The following HSD17B10 variants were observed in gnomAD, a reference collection of about 807,000 sequenced individuals.
The protein encoded by HSD17B10 is 3-hydroxyacyl-CoA dehydrogenase type-2.
For missense variants in HSD17B10, 87 were observed against 219.4 expected (o/e 0.40, Z 3.81); for synonymous variants, 90 against 85.9 (o/e 1.05, Z -0.26).
At chrX:53,432,669 G>A in intron 2 of HSD17B10, 1 of 370,414 alleles carries the variant, frequency 2.7e-6, no homozygotes, top group Non-Finnish European at 4.8e-6. Flanking sequence ...GGCCAACGTG[G>A]TGAAAACCCG....
Position 53,432,087 on chromosome X carries a change from G to T in HSD17B10, c.387C>A (p.Ile129=). Residue 129 remains isoleucine (I), a synonymous_variant, in exon 4 of 6, where the codon ATC becomes ATA. Coordinates refer to ENST00000168216, the MANE Select transcript of HSD17B10 (RefSeq NM_004493.3). ...DVNLMGTFNV[I]RLVAGEMGQN... ...GGCCCATCTCACCAGCCACCAGGCG[G>T]ATCACATTGAAGGTGCCCATGAGAT... The T allele has an allele frequency of 8.3e-7, 1 of 1,211,516 alleles. No individual in the cohort carries two copies. Among genetic ancestry groups the T allele is most frequent in the Non-Finnish European group, 1.1e-6 (1 of 895,347 alleles).
In HSD17B10 at chrX:53,434,367, G is replaced by A. The variant is rs1261594952; in HGVS notation, c.-22C>T. ...CCATCTTGTCGCCGGCCACTCCACGGGATGGGGATGGGGGCGCGGGCGCTC... is the reference window on the plus strand; with the variant it reads ...CCATCTTGTCGCCGGCCACTCCACGAGATGGGGATGGGGGCGCGGGCGCTC... On this transcript the variant is annotated 5_prime_UTR_variant, in exon 1 of 6. Coordinates refer to ENST00000168216, the MANE Select transcript of HSD17B10 (RefSeq NM_004493.3). 3 of 1,166,936 alleles carry A rather than the reference G, an allele frequency of 2.6e-6. No individual in the cohort carries two copies. The Admixed American group carries it at 7.7e-5, about 30-fold the overall frequency.
At chrX:53,434,166 G>A (rs1556895005) in intron 1 of HSD17B10, 153 bp downstream of exon 1, 1 of 625,258 alleles carries the variant, frequency 1.6e-6, no homozygotes, top group African/African-American at 2.2e-5. Flanking sequence ...GCCGCGGAGT[G>A]CTGACTTTCA....
chrX:53,432,617 A>T, intron 2 of HSD17B10: 1 of 446,137 alleles, frequency 2.2e-6, no homozygotes, highest in Non-Finnish European at 4.0e-6. Flanking sequence ...TGGGAGGCCG[A>T]GGCTGGTGGA....
intron 1 of HSD17B10, 173 bp from the exon 2 acceptor site, chrX:53,434,059 A>G: frequency 1.7e-6 from 1 of 593,012 alleles, no homozygotes; most frequent in Non-Finnish European, 2.7e-6. Context: ...CCTCGGGGGC[A>G]GAAGGGATCT....
rs372768875 is a variant in HSD17B10 at position 53,434,300 on chromosome X, G to C, written c.27+19C>G. ...GGCCCGTAAAGGAAGGCAAGCAACA[G>C]AGGCAAAGAACCTTCTACCTTCACG... On this transcript the variant is annotated intron_variant, in intron 1 of 5. Transcript: ENST00000168216. 7 of 1,166,998 alleles carry C rather than the reference G, an allele frequency of 6.0e-6. No homozygotes were observed. The highest frequency in any genetic ancestry group is 1.8e-5 in the African/African-American group (1 of 56,414).
chrX:53,432,768 A>G (rs1185287796), intron 2 of HSD17B10: 1 of 260,829 alleles, frequency 3.8e-6, no homozygotes, highest in African/African-American at 2.8e-5. Context: ...GAATCGCTTG[A>G]ACCCGGGAGG....
chrX:53,432,813 A>T lies in HSD17B10; in HGVS notation c.193-402T>A, dbSNP rs138479036. 2,161 of 230,393 alleles carry T rather than the reference A, an allele frequency of 9.4e-3. 13 individuals are homozygous for T. Among genetic ancestry groups the T allele is most frequent in the Non-Finnish European group, 0.014 (1,745 of 124,438 alleles). The allele number at this position is 230,393 out of a possible 1,213,427, so 19.0% of individuals were successfully genotyped here. ...CAGTGAGCTGAGATCGTGCCATTGC[A>T]CTGCAGCCTGGGCAACAGTGAGACT... is the stretch of plus-strand genomic sequence containing the variant. On this transcript the variant is annotated intron_variant, in intron 2 of 5. Coordinates refer to ENST00000168216, the MANE Select transcript of HSD17B10 (RefSeq NM_004493.3).
At chrX:53,432,207 T>A in intron 3 of HSD17B10, 40 bp downstream of exon 3, 3 of 1,207,607 alleles carry the variant, frequency 2.5e-6, no homozygotes, top group Non-Finnish European at 3.4e-6. Flanking sequence ...GCCAGATACT[T>A]CTTACTACCA....
At chrX:53,433,370 C>T (rs1330279429) in intron 2 of HSD17B10, among the ~76,000 whole-genome samples, 1 of 112,861 alleles carries the variant, frequency 8.9e-6, no homozygotes, top group Non-Finnish European at 1.9e-5. Flanking sequence ...GTATCCTTAC[C>T]TGCTAAGATG....
chrX:53,432,705 C>T (rs2075830175), intron 2 of HSD17B10: 4 of 309,548 alleles, frequency 1.3e-5, no homozygotes, highest in South Asian at 7.2e-5. Flanking sequence ...CAAAATTAGC[C>T]GGCATAGTGA....
chrX:53,432,861 G>C (rs2075831200), intron 2 of HSD17B10: 1 of 203,908 alleles, frequency 4.9e-6, no homozygotes, highest in African/African-American at 3.0e-5. Flanking sequence ...AAAAAATTGA[G>C]AGAGTAGGTC....
Position 53,434,342 on chromosome X carries a change from C to T in HSD17B10, c.4G>A (p.Ala2Thr). Residue 2 changes from alanine to threonine, a missense_variant, in exon 1 of 6, where the codon GCA (alanine) becomes ACA (threonine). Physicochemically the swap from Ala to Thr is moderately conservative, Grantham distance 58. Coordinates refer to ENST00000168216, the MANE Select transcript of HSD17B10 (RefSeq NM_004493.3). The stretch of plus-strand genomic sequence containing the variant: ...ACCTTCACGCTCCGACACGCTGCTG[C>T]CATCTTGTCGCCGGCCACTCCACGG... M[A>T]AACRSVKGLV... 8.6e-7 allele frequency: 1 copy of T among 1,168,628 alleles called. No individual in the cohort carries two copies. The highest frequency in any genetic ancestry group is 1.1e-6 in the Non-Finnish European group (1 of 873,306).
At chrX:53,433,697 G>A in intron 2 of HSD17B10, 25 bp downstream of exon 2, 1 of 1,192,149 alleles carries the variant, frequency 8.4e-7, no homozygotes, top group Non-Finnish European at 1.1e-6. Flanking sequence ...GCACACCCTG[G>A]GAGAGGAGAG....
intron 4 of HSD17B10, 29 bp from the exon 5 acceptor site, chrX:53,431,935 G>C (rs377646597): frequency 1.7e-6 from 2 of 1,208,020 alleles, no homozygotes; most frequent in Non-Finnish European, 2.2e-6. Context: ...TCATAGGTGG[G>C]AGGGCCCCAA....
At chrX:53,433,983 G>A in intron 1 of HSD17B10, 97 bp from the exon 2 acceptor site, 2 of 968,296 alleles carry the variant, frequency 2.1e-6, no homozygotes, top group Admixed American at 2.5e-5. Flanking sequence ...GGAGAAGGGG[G>A]GAGGGGAGAG....
chrX:53,432,255 C>T lies in HSD17B10; in HGVS notation c.349G>A (p.Val117Ile). 2 of 1,209,982 alleles carry T rather than the reference C, an allele frequency of 1.7e-6. No individual in the cohort carries two copies. Among genetic ancestry groups the T allele is most frequent in the East Asian group, 3.0e-5 (1 of 33,817 alleles). ...AACTTCCAAGGCCTTACATCAAGAACTCGCTGGAAGTCTTCCAAGGTATGG... is the reference window on the plus strand; with the variant it reads ...AACTTCCAAGGCCTTACATCAAGAATTCGCTGGAAGTCTTCCAAGGTATGG... ...QTHTLEDFQRVLDVNLMGTFN... is the reference protein window; with the variant it reads ...QTHTLEDFQRILDVNLMGTFN... The change falls in exon 3 of 6, where the codon GTT (valine) becomes ATT (isoleucine). Residue 117 changes from valine (V) to isoleucine (I), a missense_variant. By Grantham distance (29) the Val-to-Ile change is conservative. Coordinates refer to ENST00000168216, the MANE Select transcript of HSD17B10 (RefSeq NM_004493.3).
At chrX:53,434,080 C>A in intron 1 of HSD17B10, 194 bp from the exon 2 acceptor site, 2 of 562,056 alleles carry the variant, frequency 3.6e-6, no homozygotes, top group Non-Finnish European at 6.0e-6. Context: ...CATCCCCAGA[C>A]AGCCCGTCCC....
chrX:53,433,836 C>T lies in HSD17B10; in HGVS notation c.78G>A (p.Thr26=), dbSNP rs2075834642. 8.3e-7 allele frequency: 1 copy of T among 1,211,416 alleles called. No individual in the cohort carries two copies. The highest frequency in any genetic ancestry group is 2.2e-5 in the Admixed American group (1 of 46,141). Residue 26 remains threonine, a synonymous_variant, in exon 2 of 6, where the codon ACG becomes ACA. Coordinates refer to ENST00000168216, the MANE Select transcript of HSD17B10 (RefSeq NM_004493.3). ...TGGASGLGLA[T]AERLVGQGAS... is the part of the protein sequence containing the mutation. ...CTCCCTGCCCCACAAGTCGCTCCGCCGTGGCCAGGCCCAGGCCCGAGGCTC... is the reference window on the plus strand; with the variant it reads ...CTCCCTGCCCCACAAGTCGCTCCGCTGTGGCCAGGCCCAGGCCCGAGGCTC...
Sources: gnomAD v4.1 joint callset for allele counts (sites outside exome capture counted in the v4.1 genomes callset) on GRCh38, gnomAD v4.1.1 for gene constraint, MANE v1.5 for transcripts, NCBI Gene and HGNC (gene_info 2026-07-23, HGNC 2026-07-21) for gene names.